The following NCR1 variants were observed in gnomAD, a reference collection of about 807,000 sequenced individuals.
NCR1 encodes natural cytotoxicity triggering receptor 1, also known as NK cell-activating receptor.
NCR1 carries 30 observed loss-of-function variants against 32.5 expected under a neutral mutation model. The ratio of observed to expected loss-of-function variants is 0.92; its 90% CI spans 0.69 to 1.25. The LOEUF (loss-of-function observed/expected upper bound fraction) is 1.25. NCR1 is among the 50% of genes most tolerant of loss of function. NCR1 has a pLI of 0.00. For missense variants in NCR1, 369 were observed against 380.7 expected, an observed-to-expected ratio of 0.97 and a Z score of 0.26; for synonymous variants, 169 against 143.4, an observed-to-expected ratio of 1.18 and a Z score of -1.28.
the NCR1 span, among the ~76,000 whole-genome samples, chr19:54,928,905 C>T: frequency 7.2e-5 from 11 of 151,978 alleles, no homozygotes; most frequent in East Asian, 1.9e-4. Flanking sequence ...TGGGTTCAAG[C>T]GATTCTCCTG....
chr19:54,923,955 C>CA, the NCR1 span: 4 of 1,476,608 alleles, frequency 2.7e-6, no homozygotes, highest in Non-Finnish European at 3.8e-6. Context: ...TTCAAACACT[C>CA]AAAGCAGGAA....
At chr19:54,913,489 T>A (rs377279497), downstream of NCR1, among the ~76,000 whole-genome samples, 60 of 152,358 alleles carry the variant, frequency 3.9e-4, 1 homozygote, top group African/African-American at 1.3e-3. Context: ...AGGATGGCCA[T>A]GGAAATATTT....
At chr19:54,933,608 T>C in the NCR1 span, 4 of 1,614,212 alleles carry the variant, frequency 2.5e-6, no homozygotes, top group Non-Finnish European at 3.4e-6. Flanking sequence ...ACTCAAGCCC[T>C]CACACAGAAA....
the NCR1 span, among the ~76,000 whole-genome samples, chr19:54,930,023 G>C: frequency 6.7e-6 from 1 of 150,222 alleles, no homozygotes; most frequent in African/African-American, 2.5e-5. Flanking sequence ...GCTGAGGCAG[G>C]AGAATAGCGA....
downstream of NCR1, among the ~76,000 whole-genome samples, chr19:54,918,312 C>T (rs868626549): frequency 5.9e-5 from 9 of 151,912 alleles, no homozygotes; most frequent in Admixed American, 1.3e-4. Context: ...GTTACCCAGG[C>T]TGGAGTGCAG....
chr19:54,906,443 C>T (rs894077806), intron 2 of NCR1, 80 bp from the exon 3 acceptor site: 1 of 1,599,726 alleles, frequency 6.3e-7, no homozygotes, highest in Non-Finnish European at 8.5e-7. Flanking sequence ...CCCAGGAGAG[C>T]TTGGGGCCAG....
the NCR1 span, chr19:54,936,582 G>T: frequency 1.4e-6 from 1 of 721,686 alleles, no homozygotes; most frequent in East Asian, 2.6e-5. Context: ...AGCACTTTGG[G>T]AGGCTGAGGC....
At chr19:54,934,323 C>A in the NCR1 span, among the ~76,000 whole-genome samples, 14 of 152,208 alleles carry the variant, frequency 9.2e-5, no homozygotes, top group Admixed American at 9.2e-4. This position sits in a 1 kb window ranked among gnomAD's most constrained non-coding sequence, Gnocchi z 6.7. Context: ...ATGATCCGCC[C>A]ACCTCTCTGC....
chr19:54,903,490 A>G (rs138400722), upstream of NCR1, among the ~76,000 whole-genome samples: 771 of 135,628 alleles, frequency 5.7e-3, 17 homozygotes, highest in Non-Finnish European at 9.2e-3. Flanking sequence ...GTATGTATAT[A>G]CATATATGTA....
chr19:54,908,072 A>G (rs150660154), intron 3 of NCR1, among the ~76,000 whole-genome samples: 2,908 of 151,476 alleles, frequency 0.019, 83 homozygotes, highest in African/African-American at 0.067. Context: ...AATAGTGGAG[A>G]GAAGGTCAGC....
the NCR1 span, chr19:54,923,923 C>T: frequency 2.5e-6 from 4 of 1,591,178 alleles, no homozygotes; most frequent in Non-Finnish European, 3.4e-6. Context: ...TCTCAACTAC[C>T]CAGGATGCCT....
At chr19:54,924,923 C>T in the NCR1 span, among the ~76,000 whole-genome samples, 82 of 152,166 alleles carry the variant, frequency 5.4e-4, no homozygotes, top group African/African-American at 1.9e-3. Flanking sequence ...GGTGACAGAG[C>T]GAGACTCTGC....
At chr19:54,927,849 C>CG in the NCR1 span, 1 of 1,378,884 alleles carries the variant, frequency 7.3e-7, no homozygotes, top group African/African-American at 1.4e-5. Context: ...CCCAACACTT[C>CG]GGGAGGCCAA....
At chr19:54,917,961 C>A (rs1050150895), downstream of NCR1, among the ~76,000 whole-genome samples, 1 of 151,952 alleles carries the variant, frequency 6.6e-6, no homozygotes, top group African/African-American at 2.4e-5. Context: ...TGTTTTTATT[C>A]ATTTATTTTT....
downstream of NCR1, among the ~76,000 whole-genome samples, chr19:54,916,338 T>TTTTTTTTTTTTTTTTTTTTTG (rs1556721210): frequency 1.5e-5 from 2 of 132,022 alleles, no homozygotes; most frequent in African/African-American, 2.9e-5. Flanking sequence ...TTTTTTTTTT[T>TTTTTTTTTTTTTTTTTTTTTG]GAGACGAAGT....
At chr19:54,934,401 G>T in the NCR1 span, 1 of 1,335,574 alleles carries the variant, frequency 7.5e-7, no homozygotes, top group Non-Finnish European at 1.1e-6. The surrounding 1 kb of genome is among the most constrained non-coding windows in gnomAD (Gnocchi z 6.7). Context: ...GAGGCGCCAC[G>T]TGGGTGGCGC....
the NCR1 span, chr19:54,936,432 C>A: frequency 6.2e-7 from 1 of 1,613,622 alleles, no homozygotes; most frequent in Non-Finnish European, 8.5e-7. Flanking sequence ...GTTTTTAATC[C>A]TAGGGAAAAG....
intron 4 of NCR1, 103 bp downstream of exon 4, chr19:54,909,626 C>T: frequency 1.4e-6 from 2 of 1,388,740 alleles, no homozygotes; most frequent in Non-Finnish European, 1.9e-6. Flanking sequence ...GGGACGTCCA[C>T]TTCCTGGGTG....
the NCR1 span, among the ~76,000 whole-genome samples, chr19:54,923,231 C>T: frequency 6.6e-5 from 10 of 152,166 alleles, no homozygotes; most frequent in South Asian, 4.1e-4. Flanking sequence ...TGATGAGAGA[C>T]CGCGGGGCCC....
Sources: gnomAD v4.1 joint callset for allele counts (sites outside exome capture counted in the v4.1 genomes callset) on GRCh38, gnomAD v4.1.1 for gene constraint, Gnocchi (gnomAD v3.1) non-coding constraint, MANE v1.5 for transcripts, NCBI Gene and HGNC (gene_info 2026-07-23, HGNC 2026-07-21) for gene names.